Variants in ACSM3 observed in about 807,000 individuals in gnomAD.
ACSM3 encodes the protein acyl-coenzyme A synthetase ACSM3, mitochondrial.
Under a neutral mutation model 74.1 loss-of-function variants are expected in ACSM3, and 61 were observed. That is an observed-to-expected ratio of 0.82 (90% CI 0.67 to 1.02). ACSM3 has a LOEUF of 1.02. Among genes scored for constraint, ACSM3 ranks in the 50% least tolerant of loss-of-function variants. The pLI, the probability that ACSM3 is intolerant of heterozygous loss-of-function variation, is 0.00. For missense variants in ACSM3, 660 were observed against 697.0 expected (o/e 0.95, Z 0.60); for synonymous variants, 213 against 241.5 (o/e 0.88, Z 1.09).
intron 1 of ACSM3, among the ~76,000 whole-genome samples, chr16:20,742,768 A>C (rs1235465229): frequency 6.7e-6 from 1 of 149,592 alleles, no homozygotes; most frequent in East Asian, 2.0e-4. Context: ...CTGGTGATGA[A>C]TCCAACATAG....
rs2079748312 is a variant in ACSM3, at chr16:20,712,806, G to C, written c.-189-37104G>C. Among the ~76,000 whole-genome samples, 5 of 151,392 alleles carry C rather than the reference G, an allele frequency of 3.3e-5. No individual in the cohort carries two copies. The South Asian group carries it at 1.0e-3, about 32-fold the overall frequency. On this transcript the variant is annotated intron_variant, in intron 1 of 3. Coordinates refer to the ACSM3 transcript ENST00000561584. ...CAGGTGCCTGTAATCATAGCTACTT[G>C]GGAGGCTGAGGCAGGAGAATCTCTT...
chr16:20,774,792 C>A (rs1466330611), intron 2 of ACSM3, among the ~76,000 whole-genome samples: 1 of 152,208 alleles, frequency 6.6e-6, no homozygotes, highest in Admixed American at 6.5e-5. Context: ...CTGGCAGTAG[C>A]AGTGGTAAGC....
chr16:20,741,191 G>C (rs1298136157), intron 1 of ACSM3, among the ~76,000 whole-genome samples: 3 of 152,204 alleles, frequency 2.0e-5, no homozygotes, highest in Non-Finnish European at 4.4e-5. Context: ...GCTTCCCTGA[G>C]CTATCATCAC....
chr16:20,687,423 T>C (rs991843720), intron 1 of ACSM3, among the ~76,000 whole-genome samples: 2 of 152,044 alleles, frequency 1.3e-5, no homozygotes, highest in Non-Finnish European at 2.9e-5. Flanking sequence ...AGATAAATGC[T>C]AGAAAAGGCC....
At chr16:20,727,544 A>C (rs2079811215) in intron 1 of ACSM3, 1 of 292,278 alleles carries the variant, frequency 3.4e-6, no homozygotes, top group Admixed American at 4.8e-5. Context: ...TGAGCCCCTG[A>C]AGTGCCTCCA....
intron 9 of ACSM3, among the ~76,000 whole-genome samples, chr16:20,788,885 G>T (rs2080532356): frequency 6.6e-6 from 1 of 152,060 alleles, no homozygotes; most frequent in Non-Finnish European, 1.5e-5. Flanking sequence ...TTATTTGCAA[G>T]AGCTTAAAGA....
At chr16:20,695,727 C>T (rs2079686492) in intron 1 of ACSM3, among the ~76,000 whole-genome samples, 3 of 151,832 alleles carry the variant, frequency 2.0e-5, no homozygotes, top group Admixed American at 2.0e-4. Context: ...ACCTGATCTC[C>T]AAGTGTTGAG....
chr16:20,738,654 T>C (rs2079891414), intron 1 of ACSM3: 1 of 487,420 alleles, frequency 2.1e-6, no homozygotes, highest in Non-Finnish European at 3.6e-6. Flanking sequence ...ACTGGCACTC[T>C]AGTTCTGCCT....
At chr16:20,690,654 A>G (rs2079635872) in intron 1 of ACSM3, among the ~76,000 whole-genome samples, 1 of 152,216 alleles carries the variant, frequency 6.6e-6, no homozygotes, top group Non-Finnish European at 1.5e-5. Context: ...TGTCCCATTC[A>G]CTGAAGATGA....
chr16:20,756,000 A>C (rs2080028594), intron 3 of ACSM3, among the ~76,000 whole-genome samples: 1 of 152,012 alleles, frequency 6.6e-6, no homozygotes, highest in South Asian at 2.1e-4. Flanking sequence ...TCCATGGTAT[A>C]TATGTACCAC....
At chr16:20,691,510 A>T (rs1402629840) in intron 1 of ACSM3, among the ~76,000 whole-genome samples, 1 of 152,092 alleles carries the variant, frequency 6.6e-6, no homozygotes, top group African/African-American at 2.4e-5. Context: ...TCAGCCCAGG[A>T]TGGAAGCCAT....
upstream of ACSM3, among the ~76,000 whole-genome samples, chr16:20,759,423 G>A (rs2080058479): frequency 6.6e-6 from 1 of 152,098 alleles, no homozygotes; most frequent in Non-Finnish European, 1.5e-5. Context: ...AGCCAAGTGT[G>A]GTGGTGGGCA....
intron 1 of ACSM3, chr16:20,741,542 G>A (rs886590451): frequency 3.3e-6 from 5 of 1,507,080 alleles, no homozygotes; most frequent in East Asian, 2.6e-5. Flanking sequence ...CGCCGTATTC[G>A]TTGAGGAGGC....
intron 12 of ACSM3, among the ~76,000 whole-genome samples, chr16:20,795,244 C>T (rs1046882079): frequency 2.6e-5 from 4 of 152,180 alleles, no homozygotes; most frequent in African/African-American, 9.6e-5. Context: ...TGCTCTCGAA[C>T]TCCTGGGCTC....
rs1473451969 is a variant in ACSM3 at position 20,790,092 on chromosome 16, T to C, written c.1225-495T>C. On this transcript the variant is annotated intron_variant, in intron 9 of 13. Transcript: ENST00000289416. The surrounding 1 kb of genome is among the most constrained non-coding windows in gnomAD (Gnocchi z 4.0). ...CCTGCGTTCACATGTTGGTAACCTG[T>C]ATTTAATATTTTATGCAATAAGAAT... Among the ~76,000 whole-genome samples, 1 of 152,230 alleles carries C rather than the reference T, an allele frequency of 6.6e-6. No homozygotes were observed. Among genetic ancestry groups the C allele is most frequent in the Non-Finnish European group, 1.5e-5 (1 of 68,048 alleles).
rs1016174063 is a variant in ACSM3, at chr16:20,723,829, T to C, written c.-189-26081T>C. On this transcript the variant is annotated intron_variant, in intron 1 of 3. Transcript: ENST00000561584. ...CAAAAATTTTCTCCCATTCTGTAGG[T>C]TGCCTGTTCACTCTGATGGTGGTTT... 5.9e-4 allele frequency among the ~76,000 whole-genome samples: 90 copies of C among 152,208 alleles called. 2 individuals are homozygous for C. Among genetic ancestry groups the C allele is most frequent in the South Asian group, 1.9e-3 (9 of 4,834 alleles).
upstream of ACSM3, among the ~76,000 whole-genome samples, chr16:20,761,631 C>T (rs768849011): frequency 5.9e-5 from 9 of 152,146 alleles, no homozygotes; most frequent in Middle Eastern, 3.4e-3. Context: ...GAATGTCAGG[C>T]GACAATCAGG....
chr16:20,741,481 G>GGGGGGGCC, intron 1 of ACSM3: 3 of 1,308,410 alleles, frequency 2.3e-6, no homozygotes, highest in Non-Finnish European at 3.0e-6. Context: ...CTGGCAGCCG[G>GGGGGGGCC]CCCGCCCGCC....
chr16:20,699,192 G>A (rs530848105), intron 1 of ACSM3, among the ~76,000 whole-genome samples: 1 of 152,162 alleles, frequency 6.6e-6, no homozygotes, highest in East Asian at 1.9e-4. Context: ...CACCAAGCCT[G>A]TAAAGCACCT....
Sources: gnomAD v4.1 joint callset for allele counts (sites outside exome capture counted in the v4.1 genomes callset) on GRCh38, gnomAD v4.1.1 for gene constraint, Gnocchi (gnomAD v3.1) non-coding constraint, MANE v1.5 for transcripts, NCBI Gene and HGNC (gene_info 2026-07-23, HGNC 2026-07-21) for gene names.